Variants in ACBD3 observed in about 807,000 individuals in gnomAD.
ACBD3 encodes the protein Golgi resident protein GCP60.
ACBD3 carries 30 observed loss-of-function variants against 66.9 expected under a neutral mutation model. The ratio of observed to expected loss-of-function variants is 0.45; its 90% confidence interval spans 0.34 to 0.61. The LOEUF is 0.61. ACBD3 is among the 20% of genes least tolerant of loss of function. ACBD3 has a pLI of 0.02. For synonymous variants in ACBD3, 278 were observed against 259.8 expected (o/e 1.07, Z -0.68); for missense variants, 544 against 664.5 (o/e 0.82, Z 1.99).
intron 1 of ACBD3, among the ~76,000 whole-genome samples, chr1:226,177,076 T>C (rs967655851): frequency 5.3e-5 from 8 of 151,884 alleles, no homozygotes; most frequent in Non-Finnish European, 8.8e-5. Context: ...ATATTCCTGA[T>C]ATGAGGAAAG....
intron 1 of ACBD3, among the ~76,000 whole-genome samples, chr1:226,176,317 C>T (rs1343226369): frequency 1.4e-5 from 2 of 147,008 alleles, no homozygotes; most frequent in Non-Finnish European, 3.0e-5. Context: ...CCCAGCTATT[C>T]GGGGGGCTGA....
rs771896387 is a variant in ACBD3 at position 226,170,020 on chromosome 1, C to CAAA, written c.287-4023_287-4021dup. On this transcript the variant is annotated intron_variant, in intron 1 of 7. Transcript: ENST00000366812. ...TAAGAAACAGAGCGAGATTCCATCT[C>CAAA]AAAAAAAAAAAAAAAAAAAAGACAT... Among the ~76,000 whole-genome samples the CAAA allele has an allele frequency of 9.9e-3, 744 of 74,850 alleles. 15 individuals carry two copies. The highest frequency in any genetic ancestry group is 0.013 in the Non-Finnish European group (508 of 40,060). 49.1% of individuals were successfully genotyped at this position (74,850 alleles called of 152,430 possible). A position where few individuals can be genotyped will look rare whatever the true frequency, so the allele number is the denominator to read the frequency against.
chr1:226,177,747 ATT>A (rs556844917), intron 1 of ACBD3, among the ~76,000 whole-genome samples: 15 of 139,492 alleles, frequency 1.1e-4, no homozygotes, highest in East Asian at 2.1e-4. Flanking sequence ...TTGAGCCACT[ATT>A]TTTTTTTTTT....
chr1:226,157,584 G>C lies in ACBD3; in HGVS notation c.903+1600C>G, dbSNP rs551738039. ...AGACAGGGTCTCACTCTGTCACCCA[G>C]GCTGGAATGTAGTGGCGCCATCACA... On this transcript the variant is annotated intron_variant, in intron 5 of 7. Coordinates refer to ENST00000366812, the MANE Select transcript of ACBD3 (RefSeq NM_022735.4). 8.5e-5 allele frequency among the ~76,000 whole-genome samples: 13 copies of C among 152,104 alleles called. No individual in the cohort carries two copies. In the South Asian group the frequency reaches 2.5e-3, roughly 29 times the overall value.
chr1:226,165,033 G>C, intron 2 of ACBD3, 104 bp from the exon 3 acceptor site: 1 of 1,238,550 alleles, frequency 8.1e-7, no homozygotes, highest in Non-Finnish European at 1.1e-6. Context: ...TAAAATGAAT[G>C]ATTCTATTGG....
rs1558120959 is a variant in ACBD3 at position 226,144,696 on chromosome 1, AATTG to A, written c.*1910_*1913del. ...TCAACAAGTTACAGATAAACATTTTAATTGATTAAATATATTACTTTCAAGATCT... is the reference window on the plus strand; with the variant it reads ...TCAACAAGTTACAGATAAACATTTTAATTAAATATATTACTTTCAAGATCT... On this transcript the variant is annotated 3_prime_UTR_variant, in exon 8 of 8. Coordinates refer to ENST00000366812, the MANE Select transcript of ACBD3 (RefSeq NM_022735.4). The A allele has an allele frequency of 6.6e-6, 1 of 152,502 alleles. No homozygotes were observed. Among genetic ancestry groups the A allele is most frequent in the East Asian group, 1.9e-4 (1 of 5,202 alleles). 9.4% of individuals were successfully genotyped at this position (152,502 alleles called of 1,614,324 possible). A position where few individuals can be genotyped will look rare whatever the true frequency, so the allele number is the denominator to read the frequency against.
chr1:226,160,091 T>G (rs9662238), intron 4 of ACBD3, among the ~76,000 whole-genome samples: 21,076 of 144,776 alleles, frequency 0.15, 1,670 homozygotes, highest in Middle Eastern at 0.23. Context: ...ACCACATGCT[T>G]CTTCTTTTTT....
intron 4 of ACBD3, 39 bp downstream of exon 4, chr1:226,161,492 A>G (rs1256454189): frequency 1.2e-6 from 2 of 1,601,490 alleles, no homozygotes; most frequent in African/African-American, 1.4e-5. Flanking sequence ...TTTTTTTTCC[A>G]TTTCTCATTT....
rs1659869550 is a variant in ACBD3, at chr1:226,165,954, C to G, written c.333G>C (p.Lys111Asn). ...GAACTTGCTTATGCAGTGCCACAAG[C>G]TTCAATTTTTCTTCATAAGTTGGAT... ...AFHPTYEEKL[K>N]LVALHKQVLM... The change falls in exon 2 of 8, where the codon AAG becomes AAC. Residue 111 changes from lysine to asparagine, a missense_variant. Lys to Asn is a moderately conservative substitution (Grantham distance 94). Coordinates refer to ENST00000366812, the MANE Select transcript of ACBD3 (RefSeq NM_022735.4). The G allele has an allele frequency of 1.2e-6, 2 of 1,611,074 alleles. No individual in the cohort carries two copies. Among genetic ancestry groups the G allele is most frequent in the South Asian group, 1.1e-5 (1 of 90,068 alleles).
chr1:226,165,921 G>T lies in ACBD3; in HGVS notation c.366C>A (p.Gly122=). The change falls in exon 2 of 8, where the codon GGC becomes GGA. Residue 122 remains glycine, a synonymous_variant. Coordinates refer to ENST00000366812, the MANE Select transcript of ACBD3 (RefSeq NM_022735.4). ...CAGGACAAGTGTCTGGATTATATGG[G>T]CCCATAAGAACTTGCTTATGCAGTG... ...LVALHKQVLM[G]PYNPDTCPEV... 2 of 1,613,498 alleles carry T rather than the reference G, an allele frequency of 1.2e-6. No homozygotes were observed. Among genetic ancestry groups the T allele is most frequent in the Non-Finnish European group, 1.7e-6 (2 of 1,179,808 alleles).
intron 1 of ACBD3, among the ~76,000 whole-genome samples, chr1:226,170,333 A>T (rs1245758396): frequency 1.5e-4 from 16 of 109,796 alleles, no homozygotes; most frequent in East Asian, 2.6e-4. Context: ...AATTTTTTGA[A>T]TTTTTTTTTT....
In ACBD3 at chr1:226,164,868, G is replaced by C. The variant is rs771367000; in HGVS notation, c.490C>G (p.Leu164Val). ...KEDAMVEFVKLLNRCCHLFST... is the reference protein window; with the variant it reads ...KEDAMVEFVKVLNRCCHLFST... ...AAGAGATGGCAACACCTATTTAAGAGCTTGACAAACTCCACCATGGCATCC... is the reference window on the plus strand; with the variant it reads ...AAGAGATGGCAACACCTATTTAAGACCTTGACAAACTCCACCATGGCATCC... Residue 164 changes from leucine (L) to valine (V), a missense_variant, in exon 3 of 8, where the codon CTC becomes GTC. Leu to Val is a conservative substitution (Grantham distance 32). Coordinates refer to ENST00000366812, the MANE Select transcript of ACBD3 (RefSeq NM_022735.4). 68 of 1,610,692 alleles carry C rather than the reference G, an allele frequency of 4.2e-5. No homozygotes were observed. The highest frequency in any genetic ancestry group is 3.3e-4 in the Middle Eastern group (2 of 6,060).
intron 5 of ACBD3, among the ~76,000 whole-genome samples, chr1:226,158,092 C>T (rs919427262): frequency 2.0e-5 from 3 of 152,194 alleles, no homozygotes; most frequent in Non-Finnish European, 4.4e-5. Context: ...GCATCTTTTC[C>T]TCCTCTTCAG....
intron 2 of ACBD3, 40 bp from the exon 3 acceptor site, chr1:226,164,969 T>A: frequency 6.7e-7 from 1 of 1,500,468 alleles, no homozygotes; most frequent in East Asian, 2.4e-5. Flanking sequence ...CCCTTCTTAG[T>A]AGAATGAGAA....
chr1:226,152,567 T>G lies in ACBD3; in HGVS notation c.1143A>C (p.Lys381Asn). 6.2e-7 allele frequency: 1 copy of G among 1,614,234 alleles called. No individual in the cohort carries two copies. Reference sequence around the variant, plus strand: ...CCTGCTGAATCTTCTCTTTGAAGTCTTTGATCTGAGGTCGTGTCCACATGG... The same window carrying G: ...CCTGCTGAATCTTCTCTTTGAAGTCGTTGATCTGAGGTCGTGTCCACATGG... ...APSMWTRPQI[K>N]DFKEKIQQDA... Residue 381 changes from lysine (K) to asparagine (N), a missense_variant, in exon 7 of 8, where the codon AAA becomes AAC. Physicochemically the swap from Lys to Asn is moderately conservative, Grantham distance 94. Coordinates refer to ENST00000366812, the MANE Select transcript of ACBD3 (RefSeq NM_022735.4).
chr1:226,161,687 T>C lies in ACBD3; in HGVS notation c.572A>G (p.Lys191Arg). ...IEKEEQEKKRKEEEERRRREE... is the reference protein window; with the variant it reads ...IEKEEQEKKRREEEERRRREE... ...ACGCCGCCTTCGCTCCTCTTCCTCC[T>C]TCCTACAAGGCAAAGATAGAGAATG... The change falls in exon 4 of 8, where the codon AAG becomes AGG. Residue 191 changes from lysine to arginine, a missense_variant and splice_region_variant. Coordinates refer to ENST00000366812, the MANE Select transcript of ACBD3 (RefSeq NM_022735.4). The C allele has an allele frequency of 1.3e-6, 2 of 1,587,206 alleles. No individual in the cohort carries two copies. The highest frequency in any genetic ancestry group is 1.7e-6 in the Non-Finnish European group (2 of 1,166,720).
At chr1:226,179,538 C>T (rs1656124697) in intron 1 of ACBD3, among the ~76,000 whole-genome samples, 1 of 152,158 alleles carries the variant, frequency 6.6e-6, no homozygotes, top group African/African-American at 2.4e-5. Flanking sequence ...AGAGAATACA[C>T]TTTGATTAAA....
chr1:226,182,656 T>C (rs1357311521), intron 1 of ACBD3, among the ~76,000 whole-genome samples: 1 of 152,164 alleles, frequency 6.6e-6, no homozygotes, highest in Admixed American at 6.6e-5. Context: ...TTCCAAGAAT[T>C]GAACTCAGTT....
chr1:226,183,267 G>C (rs944111190), intron 1 of ACBD3, among the ~76,000 whole-genome samples: 1 of 152,066 alleles, frequency 6.6e-6, no homozygotes, highest in Admixed American at 6.5e-5. Context: ...GCTCCGCCTT[G>C]AGGGTTCAAG....
Sources: allele counts gnomAD v4.1 joint callset (sites outside exome capture counted in the v4.1 genomes callset), GRCh38; gene constraint gnomAD v4.1.1; transcripts MANE v1.5; gene names NCBI Gene and HGNC (gene_info 2026-07-23, HGNC 2026-07-21).